The following RAB9B variants were observed in gnomAD, a reference collection of about 807,000 sequenced individuals.
The protein encoded by RAB9B is RAB9B, member RAS oncogene family.
RAB9B carries 1 observed loss-of-function variant against 8.9 expected under a neutral mutation model. The ratio of observed to expected loss-of-function variants is 0.11; its 90% CI spans 0.04 to 0.53. The LOEUF (loss-of-function observed/expected upper bound fraction) is 0.53. RAB9B is among the 20% of genes least tolerant of loss of function. RAB9B has a pLI of 0.93. For synonymous variants in RAB9B, 63 were observed against 57.0 expected, an observed-to-expected ratio of 1.10 and a Z score of -0.47; for missense variants, 82 against 152.9, an observed-to-expected ratio of 0.54 and a Z score of 2.45.
In RAB9B at chrX:103,823,367, T is replaced by C. The variant is rs1395988185; in HGVS notation, c.*1812A>G. The C allele has an allele frequency of 9.0e-6, 1 of 111,650 alleles. No individual in the cohort carries two copies. The highest frequency in any genetic ancestry group is 1.9e-5 in the Non-Finnish European group (1 of 53,185). The allele number at this position is 111,650 out of a possible 1,213,427, so 9.2% of individuals were successfully genotyped here. On this transcript the variant is annotated 3_prime_UTR_variant, in exon 3 of 3. Transcript: ENST00000243298. Reference sequence around the variant, plus strand: ...AATGGTGTCAGGATTATATCTTAATTGGAAATATTGAGTATGACTGAGTTG... The same window carrying C: ...AATGGTGTCAGGATTATATCTTAATCGGAAATATTGAGTATGACTGAGTTG...
chrX:103,831,048 T>G (rs2074701567), intron 1 of RAB9B, among the ~76,000 whole-genome samples: 2 of 110,795 alleles, frequency 1.8e-5, no homozygotes, highest in African/African-American at 3.3e-5. Flanking sequence ...GTTGGAAGTC[T>G]GTACAGGGGA....
chrX:103,821,876 C>T (rs1454011002), downstream of RAB9B, among the ~76,000 whole-genome samples: 2 of 111,025 alleles, frequency 1.8e-5, no homozygotes, highest in Non-Finnish European at 3.8e-5. Context: ...GTACCCATCA[C>T]CAGAATAGTG....
At chrX:103,821,805 G>T (rs1342771413), downstream of RAB9B, among the ~76,000 whole-genome samples, 1 of 111,001 alleles carries the variant, frequency 9.0e-6, no homozygotes, top group Non-Finnish European at 1.9e-5. Flanking sequence ...TATAAATTTA[G>T]GGGGCACAAG....
At chrX:103,788,721 CT>C in the RAB9B span, 1 of 433,403 alleles carries the variant, frequency 2.3e-6, no homozygotes, top group East Asian at 3.8e-5. Flanking sequence ...GAAAGACTTC[CT>C]TTCCAACCCT....
chrX:103,786,632 G>T, the RAB9B span: 1 of 1,211,419 alleles, frequency 8.3e-7, no homozygotes. Flanking sequence ...GTAACAGGGG[G>T]CCAGAAGGGG....
chrX:103,778,867 T>A, the RAB9B span, among the ~76,000 whole-genome samples: 1 of 112,507 alleles, frequency 8.9e-6, no homozygotes, highest in Non-Finnish European at 1.9e-5. Context: ...AGTAAACACA[T>A]TGTATCATGG....
At chrX:103,805,304 A>G in the RAB9B span, among the ~76,000 whole-genome samples, 1 of 111,708 alleles carries the variant, frequency 9.0e-6, no homozygotes, top group African/African-American at 3.3e-5. Flanking sequence ...ACTGGCTTTC[A>G]TATGTGAACC....
the RAB9B span, chrX:103,787,414 A>G: frequency 2.1e-5 from 5 of 235,231 alleles, no homozygotes; most frequent in Non-Finnish European, 3.0e-5. Flanking sequence ...TTCAATGGCT[A>G]GGGAACAAAA....
intron 1 of RAB9B, among the ~76,000 whole-genome samples, chrX:103,829,505 T>C (rs1219233307): frequency 1.8e-5 from 2 of 112,359 alleles, no homozygotes; most frequent in African/African-American, 6.5e-5. Context: ...TCTAGTCCTG[T>C]GCTACCATCC....
chrX:103,800,073 ATT>A, the RAB9B span, among the ~76,000 whole-genome samples: 1 of 104,636 alleles, frequency 9.6e-6, no homozygotes, highest in African/African-American at 3.6e-5. Flanking sequence ...TTTTTACTAA[ATT>A]GCTCTGTTTT....
chrX:103,791,565 C>T, the RAB9B span: 1 of 112,364 alleles, frequency 8.9e-6, no homozygotes, highest in East Asian at 2.8e-4. Context: ...GTACTCTGGC[C>T]TCTGTCATAT....
chrX:103,803,211 T>C, the RAB9B span, among the ~76,000 whole-genome samples: 1 of 112,177 alleles, frequency 8.9e-6, no homozygotes, highest in Non-Finnish European at 1.9e-5. Flanking sequence ...AATGGATTTA[T>C]GCCTAGGAGT....
the RAB9B span, among the ~76,000 whole-genome samples, chrX:103,799,619 A>G: frequency 1.8e-5 from 2 of 111,646 alleles, no homozygotes; most frequent in East Asian, 2.8e-4. Context: ...AGGTGGAGGG[A>G]ATTACCCATT....
rs1476558216 is a variant in RAB9B, at chrX:103,823,877, C to G, written c.*1302G>C. The G allele has an allele frequency of 8.9e-6, 1 of 112,313 alleles. No homozygotes were observed. 9.3% of individuals were successfully genotyped at this position (112,313 alleles called of 1,213,427 possible). A position where few individuals can be genotyped will look rare whatever the true frequency, so the allele number is the denominator to read the frequency against. Reference sequence around the variant, plus strand: ...AATGGTTTGAGAATTTTTAAAGTCCCTCTCCATAGTCTTAGCTGTTATCAT... The same window carrying G: ...AATGGTTTGAGAATTTTTAAAGTCCGTCTCCATAGTCTTAGCTGTTATCAT... On this transcript the variant is annotated 3_prime_UTR_variant, in exon 3 of 3. Coordinates refer to ENST00000243298, the MANE Select transcript of RAB9B (RefSeq NM_016370.4).
chrX:103,808,563 G>A, the RAB9B span, among the ~76,000 whole-genome samples: 1 of 112,711 alleles, frequency 8.9e-6, no homozygotes, highest in South Asian at 3.7e-4. Context: ...GCCATGCAAA[G>A]GCACATGACC....
the RAB9B span, among the ~76,000 whole-genome samples, chrX:103,781,589 G>A: frequency 3.6e-5 from 4 of 112,422 alleles, no homozygotes; most frequent in South Asian, 1.5e-3. Flanking sequence ...TCTAAAGAAA[G>A]GGACTGGCCT....
chrX:103,789,575 G>A, the RAB9B span, among the ~76,000 whole-genome samples: 3 of 112,028 alleles, frequency 2.7e-5, no homozygotes, highest in East Asian at 8.4e-4. Context: ...AAGGCAGAAA[G>A]ACATCACAAA....
the RAB9B span, chrX:103,787,090 A>C: frequency 4.3e-6 from 1 of 232,830 alleles, no homozygotes; most frequent in Admixed American, 6.3e-5. Flanking sequence ...CATGTGATTG[A>C]GACTTGGGCA....
chrX:103,793,842 C>T, the RAB9B span, among the ~76,000 whole-genome samples: 1 of 111,654 alleles, frequency 9.0e-6, no homozygotes, highest in Non-Finnish European at 1.9e-5. Flanking sequence ...TGAGATCAGC[C>T]GAAGATCAAG....
Sources: allele counts gnomAD v4.1 joint callset (sites outside exome capture counted in the v4.1 genomes callset), GRCh38; gene constraint gnomAD v4.1.1; transcripts MANE v1.5; gene names NCBI Gene and HGNC (gene_info 2026-07-23, HGNC 2026-07-21).